The following OR3A2 variants were observed in gnomAD, a reference collection of about 807,000 sequenced individuals.
OR3A2 encodes the protein olfactory receptor family 3 subfamily A member 2.
For synonymous variants in OR3A2, 126 were observed against 159.3 expected, an observed-to-expected ratio of 0.79 and a Z score of 1.57; for missense variants, 318 against 392.8, an observed-to-expected ratio of 0.81 and a Z score of 1.61.
At chr17:3,344,689 A>G (rs753176570) in intron 2 of OR3A2, among the ~76,000 whole-genome samples, 35 of 152,186 alleles carry the variant, frequency 2.3e-4, no homozygotes, top group Non-Finnish European at 4.6e-4. Flanking sequence ...ACTTTGAGGA[A>G]CTATGCCTTC....
chr17:3,331,274 T>A (rs1161852997), intron 3 of OR3A2, among the ~76,000 whole-genome samples: 1 of 152,096 alleles, frequency 6.6e-6, no homozygotes, highest in Non-Finnish European at 1.5e-5. Flanking sequence ...CTTGCTAGAT[T>A]GGGGAAGTTC....
intron 2 of OR3A2, among the ~76,000 whole-genome samples, chr17:3,337,935 T>G (rs2049285278): frequency 1.3e-5 from 2 of 152,328 alleles, no homozygotes; most frequent in Admixed American, 1.3e-4. Context: ...TTCCAGCGCC[T>G]GTTGTTTCCT....
At chr17:3,292,313 G>T in intron 3 of OR3A2, 1 of 1,614,164 alleles carries the variant, frequency 6.2e-7, no homozygotes, top group Non-Finnish European at 8.5e-7. Flanking sequence ...CACGCTTGCG[G>T]GACAGGAGAC....
At chr17:3,329,569 A>AT (rs748392386) in intron 3 of OR3A2, among the ~76,000 whole-genome samples, 19,536 of 133,838 alleles carry the variant, frequency 0.15, 1,960 homozygotes, top group African/African-American at 0.28. Flanking sequence ...CCCCTTTATC[A>AT]TTTTTTATTG....
At chr17:3,330,427 T>C (rs1177084054) in intron 3 of OR3A2, among the ~76,000 whole-genome samples, 1 of 151,900 alleles carries the variant, frequency 6.6e-6, no homozygotes, top group East Asian at 1.9e-4. Flanking sequence ...TTAGGATAGT[T>C]AGCTCTTCTT....
intron 2 of OR3A2, among the ~76,000 whole-genome samples, chr17:3,343,904 C>T (rs2049341698): frequency 6.6e-6 from 1 of 152,188 alleles, no homozygotes; most frequent in Admixed American, 6.5e-5. Context: ...TCATGCCAAC[C>T]AACACTTGAA....
upstream of OR3A2, among the ~76,000 whole-genome samples, chr17:3,287,717 A>G (rs918574651): frequency 6.6e-6 from 1 of 152,106 alleles, no homozygotes; most frequent in Non-Finnish European, 1.5e-5. Context: ...CCCATGTTTG[A>G]TAGGTAATTC....
chr17:3,300,072 A>C (rs929190928), intron 3 of OR3A2, among the ~76,000 whole-genome samples: 1 of 151,902 alleles, frequency 6.6e-6, no homozygotes, highest in South Asian at 2.1e-4. Flanking sequence ...AGGATGTAGC[A>C]GAGCTGGACC....
At chr17:3,341,743 T>C (rs2049320745) in intron 2 of OR3A2, among the ~76,000 whole-genome samples, 1 of 152,210 alleles carries the variant, frequency 6.6e-6, no homozygotes, top group African/African-American at 2.4e-5. Context: ...TTATGTGTCT[T>C]GGAGTTGCTC....
rs1482594295 is a variant in OR3A2 at position 3,279,025 on chromosome 17, C to T, written c.-6-102G>A. ...TATGTTCAAAGCCCCGTGGCGAGTC[C>T]CCAGGCCATCCCTCACTCGTTGACC... On this transcript the variant is annotated intron_variant, in intron 1 of 1. Transcript: ENST00000642052. 2.4e-5 allele frequency: 36 copies of T among 1,530,922 alleles called. 2 individuals carry two copies. The highest frequency in any genetic ancestry group is 2.6e-6 in the Non-Finnish European group (3 of 1,139,824). The allele number at this position is 1,530,922 out of a possible 1,614,324, so 94.8% of individuals were successfully genotyped here. A position where few individuals can be genotyped will look rare whatever the true frequency, so the allele number is the denominator to read the frequency against.
At chr17:3,288,507 T>C (rs1261918099), upstream of OR3A2, among the ~76,000 whole-genome samples, 1 of 152,186 alleles carries the variant, frequency 6.6e-6, no homozygotes, top group Non-Finnish European at 1.5e-5. Context: ...CACCTAACAA[T>C]GCATTTCTCA....
At chr17:3,317,342 T>A (rs1002772099) in intron 3 of OR3A2, among the ~76,000 whole-genome samples, 4 of 152,254 alleles carry the variant, frequency 2.6e-5, no homozygotes, top group Admixed American at 2.0e-4. Context: ...GGTAAAGATA[T>A]CAGGGATCTG....
At chr17:3,352,215 T>C (rs1361253521) in intron 2 of OR3A2, among the ~76,000 whole-genome samples, 2 of 151,938 alleles carry the variant, frequency 1.3e-5, no homozygotes, top group African/African-American at 4.8e-5. Context: ...TCTCTTCACT[T>C]TGTTGATTGC....
chr17:3,352,499 G>C (rs9889405), intron 2 of OR3A2, among the ~76,000 whole-genome samples: 1 of 151,622 alleles, frequency 6.6e-6, no homozygotes, highest in Non-Finnish European at 1.5e-5. Flanking sequence ...AACACCATTT[G>C]TTAAAGAGAC....
chr17:3,367,599 G>GTATATATAATATATA lies in OR3A2; in HGVS notation c.-179+16204_-179+16205insTATATATTATATATA, dbSNP rs201439962. Among the ~76,000 whole-genome samples, 95 of 85,964 alleles carry GTATATATAATATATA rather than the reference G, an allele frequency of 1.1e-3. 1 individual carries two copies. Among genetic ancestry groups the GTATATATAATATATA allele is most frequent in the African/African-American group, 4.4e-3 (88 of 19,806 alleles). The allele number at this position is 85,964 out of a possible 152,430, so 56.4% of individuals were successfully genotyped here. On this transcript the variant is annotated intron_variant, in intron 2 of 4. Coordinates refer to the OR3A2 transcript ENST00000573491. ...GGTGTATATGTATATGTGTGTGTGT[G>GTATATATAATATATA]TGTATATATATATATATATATATGC... is the stretch of plus-strand genomic sequence containing the variant.
chr17:3,296,192 AT>A (rs2048916873), intron 3 of OR3A2, among the ~76,000 whole-genome samples: 1 of 152,186 alleles, frequency 6.6e-6, no homozygotes, highest in African/African-American at 2.4e-5. Context: ...AAGAAACATG[AT>A]TTTAAAAATA....
intron 3 of OR3A2, among the ~76,000 whole-genome samples, chr17:3,308,118 T>G (rs996803041): frequency 6.6e-6 from 1 of 152,240 alleles, no homozygotes. Flanking sequence ...TTGGAAACAT[T>G]TTGACAAGTC....
At chr17:3,377,310 C>T (rs114886015) in intron 2 of OR3A2, among the ~76,000 whole-genome samples, 62 of 152,220 alleles carry the variant, frequency 4.1e-4, no homozygotes, top group African/African-American at 1.5e-3. Flanking sequence ...AATAATAATG[C>T]CCTACTTCAT....
chr17:3,306,973 G>A (rs951593340), intron 3 of OR3A2, among the ~76,000 whole-genome samples: 6 of 152,190 alleles, frequency 3.9e-5, no homozygotes, highest in South Asian at 2.1e-4. Flanking sequence ...ACACACGCAC[G>A]CGTGCTTGTG....
Sources: allele counts gnomAD v4.1 joint callset (sites outside exome capture counted in the v4.1 genomes callset), GRCh38; gene constraint gnomAD v4.1.1; transcripts MANE v1.5; gene names NCBI Gene and HGNC (gene_info 2026-07-23, HGNC 2026-07-21).